ZFP69: variants seen among roughly 807,000 people sequenced by gnomAD.
The protein encoded by ZFP69 is ZFP69 zinc finger protein, also known as zinc finger protein 69 homolog.
Under a neutral mutation model 48.9 loss-of-function variants are expected in ZFP69, and 35 were observed. That is an observed-to-expected ratio of 0.72 (90% CI 0.55 to 0.95). ZFP69 has a LOEUF of 0.95. Ranked by LOEUF, ZFP69 falls within the 40% of genes least tolerant of loss-of-function variation. The pLI, the probability that ZFP69 is intolerant of heterozygous loss-of-function variation, is 0.00. For missense variants in ZFP69, 557 were observed against 638.4 expected (o/e 0.87, Z 1.37); for synonymous variants, 193 against 216.8 (o/e 0.89, Z 0.96).
In ZFP69 at chr1:40,483,226, A is replaced by ATTTTTTTTTTTT. The variant is rs56706952; in HGVS notation, c.219+1381_219+1392dup. Among the ~76,000 whole-genome samples the ATTTTTTTTTTTT allele has an allele frequency of 7.4e-4, 86 of 116,942 alleles. 4 individuals carry two copies. The highest frequency in any genetic ancestry group is 2.0e-3 in the East Asian group (7 of 3,470). The allele number at this position is 116,942 out of a possible 152,430, so 76.7% of individuals were successfully genotyped here. A position where few individuals can be genotyped will look rare whatever the true frequency, so the allele number is the denominator to read the frequency against. ...AAAATCAAACCATACACCTTTTTTA[A>ATTTTTTTTTTTT]TTTTTTTTTTTTTTTTTTTTAGAGA... is the stretch of plus-strand genomic sequence containing the variant. On this transcript the variant is annotated intron_variant, in intron 3 of 5. Coordinates refer to ENST00000372706, the MANE Select transcript of ZFP69 (RefSeq NM_001320179.2).
At chr1:40,487,395 G>A (rs1254222489) in intron 3 of ZFP69, among the ~76,000 whole-genome samples, 1 of 152,106 alleles carries the variant, frequency 6.6e-6, no homozygotes, top group Non-Finnish European at 1.5e-5. Context: ...AGTTAGGTAT[G>A]TTATGAATAC....
rs1207240563 is a variant in ZFP69, at chr1:40,477,800, C to G, written c.-421C>G. The G allele has an allele frequency of 6.6e-6, 1 of 152,224 alleles. No homozygotes were observed. Among genetic ancestry groups the G allele is most frequent in the Non-Finnish European group, 1.5e-5 (1 of 68,100 alleles). The allele number at this position is 152,224 out of a possible 1,614,324, so 9.4% of individuals were successfully genotyped here. A position where few individuals can be genotyped will look rare whatever the true frequency, so the allele number is the denominator to read the frequency against. On this transcript the variant is annotated 5_prime_UTR_variant, in exon 1 of 6. Transcript: ENST00000372706. This position sits in a 1 kb window ranked among gnomAD's most constrained non-coding sequence, Gnocchi z 4.0. Reference sequence around the variant, plus strand: ...GAACAATATCTGTTACCACTCAGTCCGTCTCTAAAGAGACACTCTTTACCG... The same window carrying G: ...GAACAATATCTGTTACCACTCAGTCGGTCTCTAAAGAGACACTCTTTACCG...
chr1:40,490,454 A>G (rs1427559047), intron 5 of ZFP69, among the ~76,000 whole-genome samples: 6 of 152,014 alleles, frequency 3.9e-5, no homozygotes, highest in African/African-American at 1.4e-4. Context: ...AACTAATATC[A>G]CCCGTCCCTT....
intron 5 of ZFP69, among the ~76,000 whole-genome samples, chr1:40,491,769 G>A (rs866860872): frequency 0.02 from 2,952 of 151,096 alleles, 96 homozygotes; most frequent in African/African-American, 0.069. Flanking sequence ...GTGTATGTGT[G>A]TGTGTGTGTG....
chr1:40,494,256 ATTTTTTTT>A (rs11286167), intron 5 of ZFP69, among the ~76,000 whole-genome samples: 945 of 52,102 alleles, frequency 0.018, 7 homozygotes, highest in Non-Finnish European at 0.024. Context: ...AAGATTCAAA[ATTTTTTTT>A]TTTTTTTTTT....
rs1241451966 is a variant in ZFP69, at chr1:40,479,072, T to C, written c.-290T>C. Reference sequence around the variant, plus strand: ...CTGGAGACAAGTGCTTCTGGATCCCTCTTCCCTTCCCTTTTGCTCCTCTAA... The same window carrying C: ...CTGGAGACAAGTGCTTCTGGATCCCCCTTCCCTTCCCTTTTGCTCCTCTAA... On this transcript the variant is annotated 5_prime_UTR_variant, in exon 2 of 6. Transcript: ENST00000372706. 3 of 278,196 alleles carry C rather than the reference T, an allele frequency of 1.1e-5. No homozygotes were observed. Among genetic ancestry groups the C allele is most frequent in the Admixed American group, 9.8e-5 (2 of 20,414 alleles). 17.2% of individuals were successfully genotyped at this position (278,196 alleles called of 1,614,324 possible). A position where few individuals can be genotyped will look rare whatever the true frequency, so the allele number is the denominator to read the frequency against.
In ZFP69 at chr1:40,495,091, T is replaced by A; in HGVS notation, c.613T>A (p.Cys205Ser). The change falls in exon 6 of 6, where the codon TGT (cysteine) becomes AGT (serine). Residue 205 changes from cysteine (C) to serine (S), a missense_variant. Physicochemically the swap from Cys to Ser is moderately radical, Grantham distance 112. Coordinates refer to ENST00000372706, the MANE Select transcript of ZFP69 (RefSeq NM_001320179.2). ...DDVLERHQET[C>S]MRDVRQAILT... ...TGTCTTAGAAAGGCACCAGGAAACT[T>A]GTATGAGAGATGTGAGACAAGCCAT... 3 of 1,614,062 alleles carry A rather than the reference T, an allele frequency of 1.9e-6. No individual in the cohort carries two copies. Among genetic ancestry groups the A allele is most frequent in the Non-Finnish European group, 2.5e-6 (3 of 1,180,006 alleles).
At chr1:40,494,413 C>T (rs12076357) in intron 5 of ZFP69, among the ~76,000 whole-genome samples, 11 of 144,184 alleles carry the variant, frequency 7.6e-5, no homozygotes, top group Non-Finnish European at 1.1e-4. Flanking sequence ...GGACTACAGG[C>T]GCCCGCCACT....
chr1:40,495,030 T>A lies in ZFP69; in HGVS notation c.552T>A (p.Ile184=). 6.2e-7 allele frequency: 1 copy of A among 1,614,036 alleles called. No homozygotes were observed. The highest frequency in any genetic ancestry group is 8.5e-7 in the Non-Finnish European group (1 of 1,180,008). ...AAAGTTTCATGAGGGATGATATAAT[T>A]TATTCCACGTTGAGAAAAGTCTCCA... ...MMESFMRDDI[I]YSTLRKVSTY... is the part of the protein sequence containing the mutation. Residue 184 remains isoleucine, a synonymous_variant, in exon 6 of 6, where the codon ATT becomes ATA. Transcript: ENST00000372706.
At chr1:40,494,886 A>G (rs1345760592) in intron 5 of ZFP69, 35 bp from the exon 6 acceptor site, 8 of 1,559,196 alleles carry the variant, frequency 5.1e-6, no homozygotes, top group Non-Finnish European at 7.0e-6. Context: ...CCACTACAGT[A>G]ATTGGTTTTT....
At chr1:40,489,385 C>A (rs569466456) in intron 4 of ZFP69, 144 bp from the exon 5 acceptor site, 2 of 1,116,884 alleles carry the variant, frequency 1.8e-6, no homozygotes, top group African/African-American at 1.6e-5. Flanking sequence ...TCTTGGGGAA[C>A]AACTTTACTA....
In ZFP69 at chr1:40,479,122, CCTAA is replaced by C. The variant is rs1645418844; in HGVS notation, c.-233_-230del. 2 of 432,386 alleles carry C rather than the reference CCTAA, an allele frequency of 4.6e-6. No individual in the cohort carries two copies. Among genetic ancestry groups the C allele is most frequent in the East Asian group, 5.1e-5 (1 of 19,458 alleles). The allele number at this position is 432,386 out of a possible 1,614,324, so 26.8% of individuals were successfully genotyped here. ...AAGAGTATGGAGACATGAACTCAAA[CCTAA>C]CTAACTGGCTGCCTCCCAAAGAAAG... is the stretch of plus-strand genomic sequence containing the variant. On this transcript the variant is annotated 5_prime_UTR_variant, in exon 2 of 6. The change abolishes the stop of an existing upstream ORF in the 5' untranslated region. Coordinates refer to ENST00000372706, the MANE Select transcript of ZFP69 (RefSeq NM_001320179.2).
intron 3 of ZFP69, among the ~76,000 whole-genome samples, chr1:40,483,007 C>T (rs1645457811): frequency 1.3e-5 from 2 of 152,156 alleles, no homozygotes; most frequent in African/African-American, 2.4e-5. Flanking sequence ...CGGAACACTA[C>T]GTCTAACAAC....
chr1:40,480,295 T>C (rs1454391029), intron 2 of ZFP69, among the ~76,000 whole-genome samples: 3 of 151,380 alleles, frequency 2.0e-5, no homozygotes, highest in African/African-American at 7.3e-5. Flanking sequence ...TGATGGAGTC[T>C]CGCTGTGTCG....
Position 40,481,788 on chromosome 1 carries a change from C to G in ZFP69, c.153C>G (p.Asp51Glu). ...CTCTGCTGTCTCAGGATGCTGAGGA[C>G]GTAAAGACCCAGAGAGAAAGTTTAG... ...GEALLSQDAE[D>E]VKTQRESLED... The change falls in exon 3 of 6, where the codon GAC becomes GAG. Residue 51 changes from aspartate (D) to glutamate (E), a missense_variant. Transcript: ENST00000372706. 1 of 1,612,088 alleles carries G rather than the reference C, an allele frequency of 6.2e-7. No homozygotes were observed. Among genetic ancestry groups the G allele is most frequent in the Non-Finnish European group, 8.5e-7 (1 of 1,178,676 alleles).
chr1:40,491,632 C>A (rs189101452), intron 5 of ZFP69, among the ~76,000 whole-genome samples: 1 of 152,244 alleles, frequency 6.6e-6, no homozygotes, highest in East Asian at 1.9e-4. Context: ...TGTTCATTGA[C>A]CATCCATCCA....
In ZFP69 at chr1:40,479,502, G is replaced by A. The variant is rs1645423719; in HGVS notation, c.127+14G>A. The stretch of plus-strand genomic sequence containing the variant: ...TTGAAGGAGAAGGTGAGAATGGACT[G>A]ATGGAGGGGGAAGAAGGGGATCTCA... On this transcript the variant is annotated intron_variant, in intron 2 of 5. Coordinates refer to ENST00000372706, the MANE Select transcript of ZFP69 (RefSeq NM_001320179.2). 6.2e-7 allele frequency: 1 copy of A among 1,605,818 alleles called. No homozygotes were observed. The highest frequency in any genetic ancestry group is 8.5e-7 in the Non-Finnish European group (1 of 1,175,338).
chr1:40,482,416 A>G (rs114021019), intron 3 of ZFP69, among the ~76,000 whole-genome samples: 3 of 152,192 alleles, frequency 2.0e-5, no homozygotes, highest in African/African-American at 7.2e-5. Context: ...ACAGCATGTC[A>G]CAAATGGGAT....
chr1:40,480,099 G>A (rs1363898430), intron 2 of ZFP69, among the ~76,000 whole-genome samples: 1 of 152,098 alleles, frequency 6.6e-6, no homozygotes, highest in Non-Finnish European at 1.5e-5. Flanking sequence ...AGCTGTGTCA[G>A]GCAGGGACTT....
Sources: gnomAD v4.1 joint callset for allele counts (sites outside exome capture counted in the v4.1 genomes callset) on GRCh38, gnomAD v4.1.1 for gene constraint, Gnocchi (gnomAD v3.1) non-coding constraint, MANE v1.5 for transcripts, NCBI Gene and HGNC (gene_info 2026-07-23, HGNC 2026-07-21) for gene names.